The following PDXDC1 variants were observed in gnomAD, a reference collection of about 807,000 sequenced individuals.
PDXDC1 encodes pyridoxal dependent decarboxylase domain containing 1.
Under a neutral mutation model 100.1 loss-of-function variants are expected in PDXDC1, and 42 were observed. The ratio of observed to expected loss-of-function variants is 0.42; its 90% CI spans 0.33 to 0.54. The LOEUF is 0.54. Ranked by LOEUF, PDXDC1 falls within the 20% of genes least tolerant of loss-of-function variation. The probability of loss-of-function intolerance (pLI) is 0.10; values close to 1 mark genes in which losing one functional copy is unlikely to be tolerated. For synonymous variants in PDXDC1, 260 were observed against 371.7 expected (o/e 0.70, Z 3.46); for missense variants, 636 against 979.2 (o/e 0.65, Z 4.68).
At chr16:15,150,113 G>T in the PDXDC1 span, among the ~76,000 whole-genome samples, 1 of 152,102 alleles carries the variant, frequency 6.6e-6, no homozygotes, top group African/African-American at 2.4e-5. Context: ...GGGAGGCTGA[G>T]GCGGGTGGAT....
chr16:15,062,208 C>G (rs972375032), intron 16 of PDXDC1, among the ~76,000 whole-genome samples: 15 of 152,220 alleles, frequency 9.9e-5, no homozygotes, highest in African/African-American at 3.4e-4. Context: ...TACCAACATA[C>G]CCACATAACT....
At chr16:15,047,497 C>T in intron 16 of PDXDC1, 2 of 1,614,104 alleles carry the variant, frequency 1.2e-6, no homozygotes, top group Non-Finnish European at 1.7e-6. Context: ...ATCAAGGGGA[C>T]CTCAGCTTTG....
rs780012201 is a variant in PDXDC1, at chr16:14,975,979, C to G, written c.21+759C>G. On this transcript the variant is annotated intron_variant, in intron 1 of 22. Transcript: ENST00000396410. ...CATTCCAGTGGCGAGGAGGGATCCC[C>G]GAGTCAACTCGAAATCCACTGGTAA... Among the ~76,000 whole-genome samples, 2 of 152,304 alleles carry G rather than the reference C, an allele frequency of 1.3e-5. 1 individual carries two copies. The highest frequency in any genetic ancestry group is 2.9e-5 in the Non-Finnish European group (2 of 68,058).
At chr16:15,103,515 ATTTTTT>A (rs1202834302) in intron 16 of PDXDC1, among the ~76,000 whole-genome samples, 53 of 151,034 alleles carry the variant, frequency 3.5e-4, no homozygotes, top group Non-Finnish European at 5.8e-4. Flanking sequence ...TATTTTATTT[ATTTTTT>A]GAGTCAGAGT....
intron 14 of PDXDC1, among the ~76,000 whole-genome samples, chr16:15,027,907 G>A (rs540802557): frequency 3.0e-3 from 450 of 152,238 alleles, no homozygotes; most frequent in African/African-American, 0.01. Context: ...ACCTAGGTCC[G>A]TGGGGGTAGA....
At chr16:15,047,449 A>C in intron 16 of PDXDC1, 1 of 1,599,184 alleles carries the variant, frequency 6.3e-7, no homozygotes, top group Non-Finnish European at 8.6e-7. Context: ...CACCTTCCAC[A>C]TTGAGCGTGG....
intron 16 of PDXDC1, chr16:15,133,086 G>C (rs928398252): frequency 2.4e-5 from 15 of 622,518 alleles, no homozygotes; most frequent in African/African-American, 1.3e-4. Flanking sequence ...GCAGACGCCG[G>C]AGAGGGCCCG....
chr16:15,125,676 C>A, intron 16 of PDXDC1: 1 of 1,351,642 alleles, frequency 7.4e-7, no homozygotes, highest in Non-Finnish European at 1.1e-6. Flanking sequence ...CCAGGACCCC[C>A]AGTAGAGCCC....
At chr16:15,128,397 G>A (rs750498110) in intron 16 of PDXDC1, 158 of 1,518,024 alleles carry the variant, frequency 1.0e-4, no homozygotes, top group South Asian at 1.5e-4. Flanking sequence ...TACCTGGAGG[G>A]CAAGAGGGAG....
At chr16:15,076,127 C>T (rs926967549) in intron 16 of PDXDC1, among the ~76,000 whole-genome samples, 3 of 152,212 alleles carry the variant, frequency 2.0e-5, no homozygotes, top group Admixed American at 2.0e-4. Context: ...TGCTCCCTGA[C>T]ACCCTCTGTC....
chr16:15,060,567 A>C (rs1331861105), intron 16 of PDXDC1: 2 of 153,876 alleles, frequency 1.3e-5, no homozygotes, highest in Non-Finnish European at 2.9e-5. Context: ...AAGTAAACAA[A>C]AAAGTACACA....
chr16:15,027,714 C>T (rs2042721602), intron 14 of PDXDC1, among the ~76,000 whole-genome samples: 1 of 152,284 alleles, frequency 6.6e-6, no homozygotes, highest in Non-Finnish European at 1.5e-5. Flanking sequence ...TGCTCTTCTG[C>T]CGGCCTGCTC....
At chr16:15,092,819 A>C (rs2046189550) in intron 16 of PDXDC1, among the ~76,000 whole-genome samples, 1 of 151,974 alleles carries the variant, frequency 6.6e-6, no homozygotes, top group Non-Finnish European at 1.5e-5. Context: ...AAAAATCCAA[A>C]TCTCTCAGTG....
intron 1 of PDXDC1, among the ~76,000 whole-genome samples, chr16:14,990,844 G>A (rs1354606368): frequency 1.3e-5 from 2 of 152,284 alleles, no homozygotes; most frequent in South Asian, 2.1e-4. Flanking sequence ...GGGTTCAAGC[G>A]ATTCTCCTGC....
At chr16:15,110,056 A>G (rs1464071689) in intron 16 of PDXDC1, among the ~76,000 whole-genome samples, 1 of 148,700 alleles carries the variant, frequency 6.7e-6, no homozygotes, top group African/African-American at 2.4e-5. Flanking sequence ...TGGGAGGCTG[A>G]GGCAGGAGAA....
chr16:15,148,154 A>C, the PDXDC1 span, among the ~76,000 whole-genome samples: 4 of 150,632 alleles, frequency 2.7e-5, no homozygotes, highest in Non-Finnish European at 5.9e-5. Flanking sequence ...ATATCTATTT[A>C]TTGGTCTCGC....
At chr16:14,986,094 G>A (rs1406932587) in intron 1 of PDXDC1, among the ~76,000 whole-genome samples, 2 of 152,058 alleles carry the variant, frequency 1.3e-5, no homozygotes, top group African/African-American at 4.8e-5. Context: ...GCGAGGTCAT[G>A]TCTCAAAAAA....
chr16:15,033,299 AG>A lies in PDXDC1; in HGVS notation c.1713del (p.Ser572AlafsTer28). 1 of 1,614,220 alleles carries A rather than the reference AG, an allele frequency of 6.2e-7. No individual in the cohort carries two copies. Among genetic ancestry groups the A allele is most frequent in the South Asian group, 1.1e-5 (1 of 91,084 alleles). On this transcript the variant is annotated frameshift_variant, in exon 19 of 23. Transcript: ENST00000396410. LOFTEE classifies it high-confidence loss of function. Reference protein sequence around the residue: ...FKIGPEYKSMKSCLYVGMASD... With the variant: ...FKIGPEYKSMXSCLYVGMASD... ...GCAGGCCCTGAGTATAAGAGCATGA[AG>A]AGCTGCCTTTATGTCGGCATGGCGA... is the stretch of plus-strand genomic sequence containing the variant.
chr16:15,030,512 C>T (rs1331786784), intron 16 of PDXDC1, among the ~76,000 whole-genome samples: 11 of 143,592 alleles, frequency 7.7e-5, no homozygotes, highest in Admixed American at 1.4e-4. Flanking sequence ...CACCACTGCA[C>T]TCCAGCCTGG....
Sources: allele counts gnomAD v4.1 joint callset (sites outside exome capture counted in the v4.1 genomes callset), GRCh38; gene constraint gnomAD v4.1.1; transcripts MANE v1.5; gene names NCBI Gene and HGNC (gene_info 2026-07-23, HGNC 2026-07-21).